DYM: variants seen among roughly 807,000 people sequenced by gnomAD.
The protein encoded by DYM is dymeclin.
DYM carries 78 observed loss-of-function variants against 93.1 expected under a neutral mutation model. The observed-to-expected ratio is 0.84, with a 90% CI of 0.70 to 1.01. The LOEUF is 1.01. DYM is among the 50% of genes least tolerant of loss of function. The probability of loss-of-function intolerance (pLI) is 0.00; values close to 1 mark genes in which losing one functional copy is unlikely to be tolerated. For missense variants in DYM, 789 were observed against 845.0 expected, an observed-to-expected ratio of 0.93 and a Z score of 0.82; for synonymous variants, 321 against 319.7, an observed-to-expected ratio of 1.00 and a Z score of -0.04.
At chr18:49,204,900 G>T (rs138690417) in intron 14 of DYM, among the ~76,000 whole-genome samples, 1 of 152,158 alleles carries the variant, frequency 6.6e-6, no homozygotes, top group African/African-American at 2.4e-5. Context: ...GGTCTGAAAG[G>T]CTTATGGCTT....
chr18:49,226,256 T>C (rs766317168), intron 13 of DYM, among the ~76,000 whole-genome samples: 1 of 152,188 alleles, frequency 6.6e-6, no homozygotes, highest in Non-Finnish European at 1.5e-5. Context: ...TTTACAGATG[T>C]ACCATCTATA....
At chr18:49,413,915 C>T (rs750738965) in intron 2 of DYM, among the ~76,000 whole-genome samples, 3 of 151,936 alleles carry the variant, frequency 2.0e-5, no homozygotes, top group Non-Finnish European at 4.4e-5. Context: ...GAGGCTGAGG[C>T]GGGAGGACAA....
At chr18:49,295,226 T>C (rs1041027031) in intron 8 of DYM, among the ~76,000 whole-genome samples, 3 of 152,324 alleles carry the variant, frequency 2.0e-5, no homozygotes, top group Admixed American at 6.5e-5. Context: ...AAAAAAGTTA[T>C]TGAACATGCA....
intron 6 of DYM, among the ~76,000 whole-genome samples, chr18:49,350,622 T>C (rs1599605789): frequency 6.6e-6 from 1 of 151,110 alleles, no homozygotes. Flanking sequence ...AGGAGAATCA[T>C]TTAAACCTGG....
At chr18:49,062,788 G>T (rs1430145141) in intron 17 of DYM, among the ~76,000 whole-genome samples, 1 of 152,232 alleles carries the variant, frequency 6.6e-6, no homozygotes, top group Non-Finnish European at 1.5e-5. Context: ...TTTAGAAAAA[G>T]TCGCTCCCCT....
rs1242829091 is a variant in DYM, at chr18:49,281,912, C to T, written c.1125+85G>A. ...GGCACATGTATACATATGTAACTAA[C>T]CTGCACGCTGTGCCATGTACCCTAA... On this transcript the variant is annotated intron_variant, in intron 10 of 17. Transcript: ENST00000675505. 35 of 1,347,218 alleles carry T rather than the reference C, an allele frequency of 2.6e-5. No homozygotes were observed. In the East Asian group the frequency reaches 7.5e-4, roughly 29 times the overall value. 83.5% of individuals were successfully genotyped at this position (1,347,218 alleles called of 1,614,324 possible).
chr18:49,098,431 T>C (rs2079783911), intron 16 of DYM, among the ~76,000 whole-genome samples: 1 of 152,244 alleles, frequency 6.6e-6, no homozygotes, highest in Non-Finnish European at 1.5e-5. Flanking sequence ...ACAATAACTT[T>C]TGTCTTATCC....
intron 8 of DYM, among the ~76,000 whole-genome samples, chr18:49,317,475 G>A (rs905284111): frequency 6.6e-6 from 1 of 151,332 alleles, no homozygotes; most frequent in African/African-American, 2.4e-5. Context: ...GCCTGGAAAT[G>A]AAGGTTTGCC....
At chr18:49,256,209 T>G (rs1568114380) in intron 13 of DYM, among the ~76,000 whole-genome samples, 1 of 152,150 alleles carries the variant, frequency 6.6e-6, no homozygotes, top group Non-Finnish European at 1.5e-5. Context: ...CTTATGAATG[T>G]TACCTTACAT....
intron 2 of DYM, among the ~76,000 whole-genome samples, chr18:49,399,278 G>A (rs2070487200): frequency 6.6e-6 from 1 of 152,174 alleles, no homozygotes. Context: ...TCTTCCTGAA[G>A]GGCCAAGAGA....
intron 13 of DYM, among the ~76,000 whole-genome samples, chr18:49,219,175 C>T (rs570775300): frequency 0.026 from 3,889 of 152,118 alleles, 156 homozygotes; most frequent in African/African-American, 0.088. Context: ...ATAAATTCCT[C>T]GACACATACA....
In DYM at chr18:49,312,619, C is replaced by A. The variant is rs77920825; in HGVS notation, c.763+19245G>T. On this transcript the variant is annotated intron_variant, in intron 8 of 17. Coordinates refer to ENST00000675505, the MANE Select transcript of DYM (RefSeq NM_001353214.3). Reference sequence around the variant, plus strand: ...GCTCAATAAAATTCTTCTCTGCCCTCCGCACCCTTCAATGTCCTGCATATC... The same window carrying A: ...GCTCAATAAAATTCTTCTCTGCCCTACGCACCCTTCAATGTCCTGCATATC... Among the ~76,000 whole-genome samples, 1,521 of 152,246 alleles carry A rather than the reference C, an allele frequency of 1.0e-2. 42 individuals are homozygous for A. The highest frequency in any genetic ancestry group is 0.076 in the South Asian group (365 of 4,820).
Position 49,125,348 on chromosome 18 carries a change from C to G in DYM, c.1729-6422G>C, listed in dbSNP as rs146015575. 4.7e-4 allele frequency among the ~76,000 whole-genome samples: 71 copies of G among 152,236 alleles called. 1 individual carries two copies. In the East Asian group the frequency reaches 0.012, roughly 26 times the overall value. ...AGTTTCCTTTCTGGTTATACCCAGGCGTGAAATTCCAAATATTTAACAACT... is the reference window on the plus strand; with the variant it reads ...AGTTTCCTTTCTGGTTATACCCAGGGGTGAAATTCCAAATATTTAACAACT... On this transcript the variant is annotated intron_variant, in intron 15 of 17. Transcript: ENST00000675505.
intron 11 of DYM, among the ~76,000 whole-genome samples, chr18:49,271,532 C>A (rs900358864): frequency 6.6e-6 from 1 of 151,982 alleles, no homozygotes; most frequent in South Asian, 2.1e-4. Flanking sequence ...TATGTTACTT[C>A]GAAACATGGA....
chr18:49,152,972 G>A lies in DYM; in HGVS notation c.1728+10713C>T, dbSNP rs78685106. Among the ~76,000 whole-genome samples the A allele has an allele frequency of 3.8e-3, 581 of 152,284 alleles. 3 individuals carry two copies. The highest frequency in any genetic ancestry group is 0.014 in the African/African-American group (564 of 41,566). On this transcript the variant is annotated intron_variant, in intron 15 of 17. Transcript: ENST00000675505. The stretch of plus-strand genomic sequence containing the variant: ...GGTTGCCAGGGGGTGGGGGAAAGGA[G>A]ATGTTGGTCACAGGGAACAAACTTT...
chr18:49,108,355 G>A (rs535056760), intron 16 of DYM, among the ~76,000 whole-genome samples: 27 of 152,284 alleles, frequency 1.8e-4, no homozygotes, highest in African/African-American at 6.0e-4. Flanking sequence ...TGTGCTTCCC[G>A]GGTGAGGCAA....
chr18:49,250,045 T>G (rs2094252666), intron 13 of DYM, among the ~76,000 whole-genome samples: 1 of 152,210 alleles, frequency 6.6e-6, no homozygotes, highest in South Asian at 2.1e-4. Context: ...GATCATCAAC[T>G]TCACTAGTTT....
chr18:49,369,997 C>T (rs572009580), intron 5 of DYM, among the ~76,000 whole-genome samples: 18 of 152,338 alleles, frequency 1.2e-4, no homozygotes, highest in Middle Eastern at 3.4e-3. Flanking sequence ...AGGAATAACG[C>T]TGGGCGCAGT....
rs1555652859 is a variant in DYM, at chr18:49,236,487, A to ATAAAT, written c.1460+20522_1460+20523insATTTA. On this transcript the variant is annotated intron_variant, in intron 13 of 17. Coordinates refer to ENST00000675505, the MANE Select transcript of DYM (RefSeq NM_001353214.3). Reference sequence around the variant, plus strand: ...AGAGCGAGACTCTGTCTCAAAAAAAAAAATAAATAAATAAATAAATAGCCA... The same window carrying ATAAAT: ...AGAGCGAGACTCTGTCTCAAAAAAAATAAATAAATAAATAAATAAATAAATAGCCA... Among the ~76,000 whole-genome samples the ATAAAT allele has an allele frequency of 5.8e-3, 864 of 149,216 alleles. 8 individuals are homozygous for ATAAAT. The highest frequency in any genetic ancestry group is 0.011 in the South Asian group (52 of 4,698).
Sources: allele counts gnomAD v4.1 joint callset (sites outside exome capture counted in the v4.1 genomes callset), GRCh38; gene constraint gnomAD v4.1.1; transcripts MANE v1.5; gene names NCBI Gene and HGNC (gene_info 2026-07-23, HGNC 2026-07-21).